The following DNM3 variants were observed in gnomAD, a reference collection of about 807,000 sequenced individuals.
DNM3 encodes the protein dynamin-3.
A neutral mutation model predicts 101.6 loss-of-function variants in DNM3; 47 were observed. The observed-to-expected ratio is 0.46, with a 90% CI of 0.37 to 0.59. The LOEUF is 0.59. Ranked by LOEUF, DNM3 falls within the 20% of genes least tolerant of loss-of-function variation. The probability of loss-of-function intolerance (pLI) is 0.00; values close to 1 mark genes in which losing one functional copy is unlikely to be tolerated. For missense variants in DNM3, 849 were observed against 1,085.7 expected (o/e 0.78, Z 3.06); for synonymous variants, 385 against 387.9 (o/e 0.99, Z 0.09).
chr1:171,912,284 G>T (rs964006621), intron 1 of DNM3, among the ~76,000 whole-genome samples: 4 of 152,028 alleles, frequency 2.6e-5, no homozygotes, highest in African/African-American at 9.7e-5. Flanking sequence ...TGTATGTAGA[G>T]CACATATACT....
At chr1:172,263,778 G>T (rs1303175039) in intron 15 of DNM3, among the ~76,000 whole-genome samples, 1 of 152,108 alleles carries the variant, frequency 6.6e-6, no homozygotes, top group East Asian at 1.9e-4. Context: ...GATGAGATTT[G>T]GGTGGGGACA....
At chr1:172,391,524 G>C (rs999241986) in intron 20 of DNM3, among the ~76,000 whole-genome samples, 1 of 152,160 alleles carries the variant, frequency 6.6e-6, no homozygotes, top group African/African-American at 2.4e-5. Flanking sequence ...GAAAGGAAGA[G>C]AGAACGAGAG....
chr1:171,992,341 G>A (rs2045692623), intron 4 of DNM3, among the ~76,000 whole-genome samples: 1 of 152,056 alleles, frequency 6.6e-6, no homozygotes, highest in Non-Finnish European at 1.5e-5. Flanking sequence ...TGTGGAGGGA[G>A]TCATCAGTTT....
chr1:172,141,187 G>A (rs146869244), intron 14 of DNM3, among the ~76,000 whole-genome samples: 13 of 152,116 alleles, frequency 8.5e-5, no homozygotes, highest in African/African-American at 2.9e-4. Flanking sequence ...AATTTACTTC[G>A]TTATCTCTAA....
chr1:172,126,666 A>G (rs1436160868), intron 13 of DNM3, among the ~76,000 whole-genome samples: 2 of 151,994 alleles, frequency 1.3e-5, no homozygotes, highest in South Asian at 2.1e-4. Context: ...TTAGCATCAC[A>G]TCAGCTTAAA....
intron 1 of DNM3, among the ~76,000 whole-genome samples, chr1:171,858,488 A>T (rs779781589): frequency 1.3e-5 from 2 of 152,100 alleles, no homozygotes; most frequent in Non-Finnish European, 2.9e-5. Context: ...AATGGATTTG[A>T]AAAAAAGGAT....
intron 14 of DNM3, among the ~76,000 whole-genome samples, chr1:172,251,065 T>C (rs762142780): frequency 6.6e-6 from 1 of 152,126 alleles, no homozygotes. Flanking sequence ...GGGTCTATCT[T>C]GCATTTCTAG....
At chr1:171,893,584 A>C (rs1300259372) in intron 1 of DNM3, among the ~76,000 whole-genome samples, 1 of 151,846 alleles carries the variant, frequency 6.6e-6, no homozygotes, top group African/African-American at 2.4e-5. Context: ...CTCCCAAATA[A>C]CTAGGACCAC....
chr1:172,119,988 G>T (rs2056201066), intron 13 of DNM3, among the ~76,000 whole-genome samples: 1 of 152,052 alleles, frequency 6.6e-6, no homozygotes, highest in South Asian at 2.1e-4. Context: ...TTTAATGTCG[G>T]ATTCTGCAAT....
At chr1:172,040,623 G>T (rs911103658) in intron 7 of DNM3, among the ~76,000 whole-genome samples, 2 of 152,060 alleles carry the variant, frequency 1.3e-5, no homozygotes, top group Non-Finnish European at 2.9e-5. Context: ...TTGCCCTTAG[G>T]AGAGTGACTA....
At chr1:172,018,053 CTTTCCT>C (rs2047566471) in intron 4 of DNM3, among the ~76,000 whole-genome samples, 1 of 151,488 alleles carries the variant, frequency 6.6e-6, no homozygotes, top group Non-Finnish European at 1.5e-5. Context: ...CATAGTATAT[CTTTCCT>C]CATCTATTTA....
intron 1 of DNM3, among the ~76,000 whole-genome samples, chr1:171,898,475 C>T (rs143204485): frequency 1.2e-3 from 179 of 151,870 alleles, no homozygotes; most frequent in African/African-American, 4.1e-3. Flanking sequence ...AAAATTTAAT[C>T]GAGAGATTAT....
intron 1 of DNM3, among the ~76,000 whole-genome samples, chr1:171,863,045 CTT>C (rs35240856): frequency 1.4e-4 from 20 of 144,238 alleles, no homozygotes; most frequent in Middle Eastern, 3.7e-3. Context: ...GGAGGGTGTG[CTT>C]TTTTTTTTTT....
chr1:172,334,099 A>G (rs1228080774), intron 17 of DNM3, among the ~76,000 whole-genome samples: 1 of 152,210 alleles, frequency 6.6e-6, no homozygotes, highest in Admixed American at 6.6e-5. Context: ...TGTCACCACA[A>G]TTAATCCCCC....
intron 17 of DNM3, among the ~76,000 whole-genome samples, chr1:172,373,983 G>A (rs1448165401): frequency 3.9e-5 from 6 of 152,002 alleles, no homozygotes; most frequent in Admixed American, 6.6e-5. Flanking sequence ...TTGGGTATGA[G>A]CATTTACAGT....
chr1:171,998,944 G>T (rs757979857), intron 4 of DNM3, among the ~76,000 whole-genome samples: 1 of 152,072 alleles, frequency 6.6e-6, no homozygotes, highest in Non-Finnish European at 1.5e-5. Context: ...AGAAAAGTGT[G>T]GTTGGTTCTG....
chr1:172,347,250 G>C (rs12094097), intron 17 of DNM3, among the ~76,000 whole-genome samples: 1,632 of 152,004 alleles, frequency 0.011, 31 homozygotes, highest in African/African-American at 0.037. Context: ...TTCGACCCAG[G>C]CCTTAACTCC....
chr1:172,119,154 A>G (rs1351543417), intron 13 of DNM3, among the ~76,000 whole-genome samples: 1 of 151,652 alleles, frequency 6.6e-6, no homozygotes, highest in Admixed American at 6.6e-5. Context: ...CACCACACCC[A>G]GTTAATTTTG....
At chr1:172,157,367 G>T (rs2058379653) in intron 14 of DNM3, among the ~76,000 whole-genome samples, 1 of 152,056 alleles carries the variant, frequency 6.6e-6, no homozygotes, top group African/African-American at 2.4e-5. Flanking sequence ...AATATGTATG[G>T]CCTGGTTCTT....
Sources: gnomAD v4.1 joint callset for allele counts (sites outside exome capture counted in the v4.1 genomes callset) on GRCh38, gnomAD v4.1.1 for gene constraint, MANE v1.5 for transcripts, NCBI Gene and HGNC (gene_info 2026-07-23, HGNC 2026-07-21) for gene names.